The following AGTR1 variants were observed in gnomAD, a reference collection of about 807,000 sequenced individuals.
The protein encoded by AGTR1 is type-1 angiotensin II receptor.
In AGTR1, 16 loss-of-function variants were observed where a neutral mutation model predicts 19.4. The ratio of observed to expected loss-of-function variants is 0.82; its 90% CI spans 0.56 to 1.25. The LOEUF (loss-of-function observed/expected upper bound fraction) is 1.25. AGTR1 is among the 50% of genes most tolerant of loss of function. AGTR1 has a pLI of 0.00. For synonymous variants in AGTR1, 153 were observed against 154.9 expected, an observed-to-expected ratio of 0.99 and a Z score of 0.09; for missense variants, 373 against 431.9, an observed-to-expected ratio of 0.86 and a Z score of 1.21.
chr3:148,703,882 C>T (rs1712501631), intron 1 of AGTR1, among the ~76,000 whole-genome samples: 2 of 152,026 alleles, frequency 1.3e-5, no homozygotes, highest in African/African-American at 4.8e-5. Context: ...GTTTTCCTGT[C>T]ACCTTACCTT....
chr3:148,713,608 T>A (rs535722058), intron 2 of AGTR1, among the ~76,000 whole-genome samples: 1 of 152,242 alleles, frequency 6.6e-6, no homozygotes, highest in African/African-American at 2.4e-5. Context: ...TTAGATTTGA[T>A]CAATTGAGTA....
At chr3:148,710,797 T>C (rs1712938025) in intron 2 of AGTR1, among the ~76,000 whole-genome samples, 1 of 152,152 alleles carries the variant, frequency 6.6e-6, no homozygotes, top group Non-Finnish European at 1.5e-5. Context: ...AGGTGGGGCC[T>C]GGTGGGAGGT....
chr3:148,699,627 T>C (rs1003511644), intron 1 of AGTR1, among the ~76,000 whole-genome samples: 2 of 152,224 alleles, frequency 1.3e-5, no homozygotes, highest in Admixed American at 1.3e-4. Context: ...TCTCTGCCCA[T>C]AAGGTTCCCT....
chr3:148,738,898 A>G (rs1027533629), intron 2 of AGTR1, among the ~76,000 whole-genome samples: 4 of 152,166 alleles, frequency 2.6e-5, no homozygotes, highest in African/African-American at 9.7e-5. Context: ...TCATTTGTCC[A>G]TTCAGTCACT....
intron 1 of AGTR1, among the ~76,000 whole-genome samples, chr3:148,707,088 G>A (rs1576524178): frequency 1.3e-5 from 2 of 152,024 alleles, no homozygotes; most frequent in South Asian, 2.1e-4. Context: ...AATAAACTAT[G>A]TGTGAGTACA....
At chr3:148,703,300 G>A (rs559734361) in intron 1 of AGTR1, among the ~76,000 whole-genome samples, 2 of 152,222 alleles carry the variant, frequency 1.3e-5, no homozygotes, top group East Asian at 3.9e-4. Flanking sequence ...AGAGTTTGTT[G>A]GAACTGCAGA....
chr3:148,729,229 CAAG>C (rs1714118821), intron 2 of AGTR1, among the ~76,000 whole-genome samples: 1 of 152,138 alleles, frequency 6.6e-6, no homozygotes, highest in Non-Finnish European at 1.5e-5. Flanking sequence ...AAGTTAAAAA[CAAG>C]AGGAGATGAT....
Position 148,732,163 on chromosome 3 carries a change from ACT to A in AGTR1, c.-47-8821_-47-8820del, listed in dbSNP as rs764158222. On this transcript the variant is annotated intron_variant, in intron 2 of 2. Coordinates refer to ENST00000349243, the MANE Select transcript of AGTR1 (RefSeq NM_000685.5). ...CTCTTCACAGGACCATGTAATCTTG[ACT>A]CTCTAACTTCATGGCAAGCTTTTAA... 3.9e-5 allele frequency among the ~76,000 whole-genome samples: 6 copies of A among 152,120 alleles called. No individual in the cohort carries two copies. In the East Asian group the frequency reaches 7.7e-4, roughly 20 times the overall value.
At chr3:148,740,513 G>A (rs1714815343) in intron 2 of AGTR1, among the ~76,000 whole-genome samples, 1 of 152,160 alleles carries the variant, frequency 6.6e-6, no homozygotes, top group Admixed American at 6.5e-5. Flanking sequence ...TTATACCTAA[G>A]TAAAGATTGT....
Position 148,716,621 on chromosome 3 carries a change from G to A in AGTR1, c.-48+8594G>A, listed in dbSNP as rs7643533. 4.7e-3 allele frequency among the ~76,000 whole-genome samples: 715 copies of A among 151,988 alleles called. 11 individuals carry two copies. The highest frequency in any genetic ancestry group is 0.017 in the African/African-American group (697 of 41,438). ...TTTCATTCCTAATTAAAAAAAATAA[G>A]CTAGTTCATCACAACTTCCTTCAAA... On this transcript the variant is annotated intron_variant, in intron 2 of 2. Coordinates refer to ENST00000349243, the MANE Select transcript of AGTR1 (RefSeq NM_000685.5). This position sits in a 1 kb window ranked among gnomAD's most constrained non-coding sequence, Gnocchi z 4.7.
intron 2 of AGTR1, among the ~76,000 whole-genome samples, chr3:148,727,563 A>C (rs1486020177): frequency 6.6e-6 from 1 of 152,188 alleles, no homozygotes; most frequent in Non-Finnish European, 1.5e-5. Context: ...ATCTGAGCTC[A>C]AATTCCCTCT....
intron 1 of AGTR1, among the ~76,000 whole-genome samples, chr3:148,701,555 C>T (rs1348721879): frequency 3.3e-5 from 5 of 152,124 alleles, no homozygotes; most frequent in African/African-American, 1.2e-4. Context: ...TTTGTTTCTT[C>T]GATAGGTGCA....
intron 2 of AGTR1, among the ~76,000 whole-genome samples, chr3:148,713,043 A>G (rs960266116): frequency 2.0e-5 from 3 of 152,140 alleles, no homozygotes; most frequent in Non-Finnish European, 4.4e-5. Flanking sequence ...AGTGAGAAAT[A>G]CAATATTCAC....
intron 2 of AGTR1, among the ~76,000 whole-genome samples, chr3:148,739,406 G>A (rs545224607): frequency 2.6e-5 from 4 of 151,720 alleles, no homozygotes; most frequent in African/African-American, 9.7e-5. Context: ...ATGTCAAAGT[G>A]CTCAAAAAAG....
intron 2 of AGTR1, among the ~76,000 whole-genome samples, chr3:148,738,498 AAT>A (rs1287162822): frequency 6.6e-6 from 1 of 152,150 alleles, no homozygotes; most frequent in African/African-American, 2.4e-5. Context: ...TTTAATAAAG[AAT>A]ATGTGTCTAT....
At chr3:148,737,025 A>G (rs893072153) in intron 2 of AGTR1, among the ~76,000 whole-genome samples, 1 of 152,196 alleles carries the variant, frequency 6.6e-6, no homozygotes, top group Admixed American at 6.5e-5. Flanking sequence ...AGCTTCAAAG[A>G]AAAAAGAGCC....
At chr3:148,707,181 G>A (rs1414133149) in intron 1 of AGTR1, among the ~76,000 whole-genome samples, 1 of 151,880 alleles carries the variant, frequency 6.6e-6, no homozygotes, top group Non-Finnish European at 1.5e-5. Flanking sequence ...GCCATCATAA[G>A]TAAAATAAAT....
intron 2 of AGTR1, among the ~76,000 whole-genome samples, chr3:148,721,064 T>C (rs1713604879): frequency 6.6e-6 from 1 of 152,086 alleles, no homozygotes; most frequent in South Asian, 2.1e-4. Flanking sequence ...ACGAGGTGAG[T>C]TGTCTGTTTG....
chr3:148,702,454 G>A (rs771745861), intron 1 of AGTR1, among the ~76,000 whole-genome samples: 6 of 152,210 alleles, frequency 3.9e-5, no homozygotes, highest in Non-Finnish European at 7.3e-5. Flanking sequence ...GTGGATCTGA[G>A]TGATATTAGG....
Sources: allele counts gnomAD v4.1 joint callset (sites outside exome capture counted in the v4.1 genomes callset), GRCh38; gene constraint gnomAD v4.1.1; non-coding constraint Gnocchi (gnomAD v3.1); transcripts MANE v1.5; gene names NCBI Gene and HGNC (gene_info 2026-07-23, HGNC 2026-07-21).